The following HDGFL3 variants were observed in gnomAD, a reference collection of about 807,000 sequenced individuals.
HDGFL3 encodes HDGF like 3.
In HDGFL3, 6 loss-of-function variants were observed where a neutral mutation model predicts 27.6. That is an observed-to-expected ratio of 0.22 (90% CI 0.12 to 0.43). The LOEUF (loss-of-function observed/expected upper bound fraction) is 0.43, where lower values mean the gene tolerates loss of function less well. HDGFL3 is among the 20% of genes least tolerant of loss of function. The probability of loss-of-function intolerance (pLI) is 1.00; values close to 1 mark genes in which losing one functional copy is unlikely to be tolerated. For missense variants in HDGFL3, 207 were observed against 250.1 expected (o/e 0.83, Z 1.16); for synonymous variants, 88 against 88.9 (o/e 0.99, Z 0.05).
downstream of HDGFL3, chr15:83,122,754 T>A: frequency 6.2e-7 from 1 of 1,613,036 alleles, no homozygotes; most frequent in East Asian, 2.2e-5. Flanking sequence ...CTCTTTTAAA[T>A]AGGGAAGTAT....
At chr15:83,127,232 AAG>A (rs1555449855), downstream of HDGFL3, 6 of 920,810 alleles carry the variant, frequency 6.5e-6, no homozygotes, top group East Asian at 1.9e-4. Context: ...AAAAAAAAAA[AAG>A]AGTCCCATAT....
intron 1 of HDGFL3, among the ~76,000 whole-genome samples, chr15:83,164,812 A>G (rs565771777): frequency 2.0e-5 from 3 of 152,322 alleles, no homozygotes; most frequent in African/African-American, 7.2e-5. Context: ...TTACACATAC[A>G]TTATTCCTTA....
Position 83,158,043 on chromosome 15 carries a change from T to C in HDGFL3, c.162-2A>G. 6.3e-7 allele frequency: 1 copy of C among 1,594,554 alleles called. No homozygotes were observed. The highest frequency in any genetic ancestry group is 8.5e-7 in the Non-Finnish European group (1 of 1,173,072). On this transcript the variant is annotated splice_acceptor_variant, in intron 2 of 5. Transcript: ENST00000299633. LOFTEE classifies it high-confidence loss of function. ...AGGTCTTTGGGACCTAGAAATGCACTGCAGAGACATATTAGAAATAGAATT... is the reference window on the plus strand; with the variant it reads ...AGGTCTTTGGGACCTAGAAATGCACCGCAGAGACATATTAGAAATAGAATT...
chr15:83,144,608 C>T, intron 5 of HDGFL3: 1 of 445,876 alleles, frequency 2.2e-6, no homozygotes, highest in Non-Finnish European at 4.5e-6. Context: ...TCATGAGGAA[C>T]TGAGGCCTCC....
chr15:83,124,028 A>G (rs1320020461), downstream of HDGFL3, among the ~76,000 whole-genome samples: 2 of 152,196 alleles, frequency 1.3e-5, no homozygotes, highest in Admixed American at 1.3e-4. Context: ...ACCACCAAAG[A>G]TTTACAAAGT....
chr15:83,125,085 G>A (rs776199754), downstream of HDGFL3, among the ~76,000 whole-genome samples: 7 of 152,276 alleles, frequency 4.6e-5, no homozygotes, highest in Non-Finnish European at 8.8e-5. Context: ...TGATTTAAAT[G>A]TAAATATCTT....
rs781213466 is a variant in HDGFL3, at chr15:83,135,655, C to A, written c.*3615G>T. 1 of 152,074 alleles carries A rather than the reference C, an allele frequency of 6.6e-6. No homozygotes were observed. The highest frequency in any genetic ancestry group is 1.5e-5 in the Non-Finnish European group (1 of 68,010). The allele number at this position is 152,074 out of a possible 1,614,324, so 9.4% of individuals were successfully genotyped here. ...GCTTGCGAAAAATATCAAAAAAGAC[C>A]AATTGGCACATTCTGAATGTGTTTT... On this transcript the variant is annotated 3_prime_UTR_variant, in exon 6 of 6. Coordinates refer to ENST00000299633, the MANE Select transcript of HDGFL3 (RefSeq NM_016073.4).
At position 83,115,837 on chromosome 15, in the gene HDGFL3, T is replaced by C. The variant is rs750511223; in HGVS notation, c.394-96A>G. The C allele has an allele frequency of 2.5e-6, 4 of 1,605,232 alleles. No individual in the cohort carries two copies. The Admixed American group carries it at 6.7e-5, about 27-fold the overall frequency. On this transcript the variant is annotated intron_variant, in intron 3 of 3. Transcript: ENST00000568294. The stretch of plus-strand genomic sequence containing the variant: ...TTGCTTTTTAAACTGCTGCTTTCTT[T>C]GCTCTAGTGTATGCAGTTTTTGGAT...
In HDGFL3 at chr15:83,136,433, C is replaced by G. The variant is rs776175926; in HGVS notation, c.*2837G>C. On this transcript the variant is annotated 3_prime_UTR_variant, in exon 6 of 6. Transcript: ENST00000299633. Reference sequence around the variant, plus strand: ...CATTCAGAACTCATCATGCATCCAACTGAACACGTTTCATGCTTACTCAAT... The same window carrying G: ...CATTCAGAACTCATCATGCATCCAAGTGAACACGTTTCATGCTTACTCAAT... The G allele has an allele frequency of 2.0e-6, 3 of 1,511,712 alleles. No individual in the cohort carries two copies. Among genetic ancestry groups the G allele is most frequent in the Non-Finnish European group, 2.7e-6 (3 of 1,127,260 alleles). 93.6% of individuals were successfully genotyped at this position (1,511,712 alleles called of 1,614,324 possible). A position where few individuals can be genotyped will look rare whatever the true frequency, so the allele number is the denominator to read the frequency against.
At chr15:83,153,946 T>C (rs907251287) in intron 4 of HDGFL3, among the ~76,000 whole-genome samples, 13 of 152,072 alleles carry the variant, frequency 8.5e-5, no homozygotes, top group Admixed American at 1.3e-4. Flanking sequence ...TCTACCCAAC[T>C]GGAATGTAGT....
intron 4 of HDGFL3, among the ~76,000 whole-genome samples, chr15:83,153,964 A>T (rs895070604): frequency 1.3e-5 from 2 of 152,058 alleles, no homozygotes; most frequent in Non-Finnish European, 2.9e-5. Context: ...AGTAAAAAAA[A>T]GTTTGTGAGC....
In HDGFL3 at chr15:83,128,693, C is replaced by T. The variant is rs990965315; in HGVS notation, c.*10577G>A. On this transcript the variant is annotated 3_prime_UTR_variant, in exon 6 of 6. Coordinates refer to ENST00000299633, the MANE Select transcript of HDGFL3 (RefSeq NM_016073.4). ...CTCAGATTTAATATATAAAATAGGA[C>T]CTGATCCTCCCCACAACCTCTCTTC... 2.0e-5 allele frequency: 3 copies of T among 152,168 alleles called. No homozygotes were observed. Among genetic ancestry groups the T allele is most frequent in the Non-Finnish European group, 4.4e-5 (3 of 68,040 alleles). The allele number at this position is 152,168 out of a possible 1,614,324, so 9.4% of individuals were successfully genotyped here.
intron 1 of HDGFL3, among the ~76,000 whole-genome samples, chr15:83,189,098 C>T (rs1428380375): frequency 6.6e-6 from 1 of 152,130 alleles, no homozygotes; most frequent in Non-Finnish European, 1.5e-5. Context: ...CTTTCTACAT[C>T]CACTGCTACT....
At chr15:83,181,068 ATC>A (rs2037374534) in intron 1 of HDGFL3, 1 of 152,262 alleles carries the variant, frequency 6.6e-6, no homozygotes, top group Non-Finnish European at 1.5e-5. Flanking sequence ...AAAAACGACC[ATC>A]TACTAGTGAT....
At chr15:83,161,209 T>C (rs1427005092) in intron 2 of HDGFL3, among the ~76,000 whole-genome samples, 1 of 152,176 alleles carries the variant, frequency 6.6e-6, no homozygotes, top group Non-Finnish European at 1.5e-5. Context: ...GGCTTGCCTA[T>C]ACTTATTTTT....
intron 1 of HDGFL3, among the ~76,000 whole-genome samples, chr15:83,187,124 C>CTGTA (rs2037452802): frequency 6.6e-6 from 1 of 150,898 alleles, no homozygotes; most frequent in Admixed American, 6.6e-5. Context: ...CATAAATGGG[C>CTGTA]TGTATGTCAC....
At chr15:83,192,247 C>G in intron 1 of HDGFL3, 1 of 454,156 alleles carries the variant, frequency 2.2e-6, no homozygotes, top group Non-Finnish European at 4.4e-6. Flanking sequence ...TGACCTGTAA[C>G]TCACCTCTTT....
intron 1 of HDGFL3, among the ~76,000 whole-genome samples, chr15:83,179,492 A>G (rs2037353347): frequency 6.6e-6 from 1 of 152,194 alleles, no homozygotes; most frequent in Admixed American, 6.5e-5. Context: ...TGTTCATTGT[A>G]GGAGTCCAGA....
Position 83,144,836 on chromosome 15 carries a change from T to C in HDGFL3, c.607-5561A>G, listed in dbSNP as rs1286200100. ...GATGAGTCTTGAAAAGATGAGATAA[T>C]AAATGCTGCTTTAAGTCACTAGTTT... On this transcript the variant is annotated intron_variant, in intron 5 of 5. Coordinates refer to ENST00000299633, the MANE Select transcript of HDGFL3 (RefSeq NM_016073.4). 3 of 304,674 alleles carry C rather than the reference T, an allele frequency of 9.8e-6. No homozygotes were observed. The Admixed American group carries it at 1.4e-4, about 14-fold the overall frequency. The allele number at this position is 304,674 out of a possible 1,614,324, so 18.9% of individuals were successfully genotyped here.
Sources: gnomAD v4.1 joint callset for allele counts (sites outside exome capture counted in the v4.1 genomes callset) on GRCh38, gnomAD v4.1.1 for gene constraint, MANE v1.5 for transcripts, NCBI Gene and HGNC (gene_info 2026-07-23, HGNC 2026-07-21) for gene names.